The following PCDHGB1 variants were observed in gnomAD, a reference collection of about 807,000 sequenced individuals.
PCDHGB1 encodes protocadherin gamma-B1.
A neutral mutation model predicts 56.6 loss-of-function variants in PCDHGB1; 34 were observed. That is an observed-to-expected ratio of 0.60 (90% CI 0.46 to 0.80). The LOEUF (loss-of-function observed/expected upper bound fraction) is 0.80, where lower values mean the gene tolerates loss of function less well. Ranked by LOEUF, PCDHGB1 falls within the 30% of genes least tolerant of loss-of-function variation. The pLI, the probability that PCDHGB1 is intolerant of heterozygous loss-of-function variation, is 0.00. For missense variants in PCDHGB1, 1,278 were observed against 1,204.6 expected, an observed-to-expected ratio of 1.06 and a Z score of -0.90; for synonymous variants, 561 against 505.9, an observed-to-expected ratio of 1.11 and a Z score of -1.46.
At position 141,431,376 on chromosome 5, in the gene PCDHGB1, C is replaced by T. The variant is rs558222633; in HGVS notation, c.2410-63431C>T. The T allele has an allele frequency of 1.2e-6, 2 of 1,613,436 alleles. No homozygotes were observed. Among genetic ancestry groups the T allele is most frequent in the African/African-American group, 2.7e-5 (2 of 75,070 alleles). On this transcript the variant is annotated intron_variant, in intron 1 of 3. Coordinates refer to ENST00000523390, the MANE Select transcript of PCDHGB1 (RefSeq NM_018922.3). The surrounding 1 kb of genome is among the most constrained non-coding windows in gnomAD (Gnocchi z 4.8). Reference sequence around the variant, plus strand: ...CGCGCCCTGGACCGCGAAGAAAAGGCTGCTCACCACCTGGTCCTTACGGCC... The same window carrying T: ...CGCGCCCTGGACCGCGAAGAAAAGGTTGCTCACCACCTGGTCCTTACGGCC...
chr5:141,360,241 T>C lies in PCDHGB1; in HGVS notation c.2409+7572T>C, dbSNP rs371403228. The C allele has an allele frequency of 6.4e-5, 103 of 1,613,930 alleles. No homozygotes were observed. The African/African-American group carries it at 1.3e-3, about 20-fold the overall frequency. ...GGCTCTCCCAGTCCAGATCCGCTATTCAATTCCAGAGGAGCTGGCCAAAAA... is the reference window on the plus strand; with the variant it reads ...GGCTCTCCCAGTCCAGATCCGCTATCCAATTCCAGAGGAGCTGGCCAAAAA... On this transcript the variant is annotated intron_variant, in intron 1 of 3. Transcript: ENST00000523390.
At chr5:141,393,525 A>G in intron 1 of PCDHGB1, 1 of 1,613,922 alleles carries the variant, frequency 6.2e-7, no homozygotes, top group Non-Finnish European at 8.5e-7. Context: ...TACAAATGAC[A>G]ATGCCCCGGT....
rs2099695548 is a variant in PCDHGB1, at chr5:141,490,059, C to T, written c.2410-4748C>T. On this transcript the variant is annotated intron_variant, in intron 1 of 3. Coordinates refer to ENST00000523390, the MANE Select transcript of PCDHGB1 (RefSeq NM_018922.3). The surrounding 1 kb of genome is among the most constrained non-coding windows in gnomAD (Gnocchi z 5.4). ...ATGCCACTGATCCAGACGAGGGCAC[C>T]AACGGCCAACTAGACTATTCTTTTG... 1.2e-6 allele frequency: 2 copies of T among 1,614,242 alleles called. No individual in the cohort carries two copies. The highest frequency in any genetic ancestry group is 1.7e-6 in the Non-Finnish European group (2 of 1,180,030).
chr5:141,431,325 G>A lies in PCDHGB1; in HGVS notation c.2410-63482G>A. On this transcript the variant is annotated intron_variant, in intron 1 of 3. Transcript: ENST00000523390. The surrounding 1 kb of genome is among the most constrained non-coding windows in gnomAD (Gnocchi z 4.8). ...ATCGTGCAAAATGGAGCCGACGGTA[G>A]TAAGTACCCCGAATTGGTGCTGAAA... is the stretch of plus-strand genomic sequence containing the variant. 6.2e-7 allele frequency: 1 copy of A among 1,614,144 alleles called. No homozygotes were observed. The highest frequency in any genetic ancestry group is 8.5e-7 in the Non-Finnish European group (1 of 1,180,052).
chr5:141,418,579 A>G (rs1561774780), intron 1 of PCDHGB1: 1 of 1,614,000 alleles, frequency 6.2e-7, no homozygotes, highest in Admixed American at 1.7e-5. Flanking sequence ...ACAACCCCCC[A>G]GTGTTCAGCC....
intron 1 of PCDHGB1, chr5:141,404,653 C>A (rs754039673): frequency 2.4e-5 from 39 of 1,614,206 alleles, no homozygotes; most frequent in Non-Finnish European, 3.1e-5. Flanking sequence ...ACCCTGCCCT[C>A]CCCACTGATG....
intron 1 of PCDHGB1, among the ~76,000 whole-genome samples, chr5:141,464,833 G>A (rs1015373577): frequency 6.6e-6 from 1 of 151,990 alleles, no homozygotes; most frequent in African/African-American, 2.4e-5. Context: ...CGCACTCCTG[G>A]GCTCAAGCAA....
chr5:141,492,316 G>C (rs1283387204), intron 1 of PCDHGB1, among the ~76,000 whole-genome samples: 1 of 152,190 alleles, frequency 6.6e-6, no homozygotes. Context: ...CGCACTCCTC[G>C]CACGTGGGCT....
rs1221646532 is a variant in PCDHGB1, at chr5:141,366,822, TTCAGA to T, written c.2409+14154_2409+14158del. ...TTTCCTTTTTCATGTTTCTGTCATA[TTCAGA>T]ATCAGCTAGTTATGTAAATAGTGGA... On this transcript the variant is annotated intron_variant, in intron 1 of 3. Transcript: ENST00000523390. The T allele has an allele frequency of 2.6e-6, 4 of 1,538,856 alleles. No homozygotes were observed. The Admixed American group carries it at 8.0e-5, about 31-fold the overall frequency.
intron 1 of PCDHGB1, among the ~76,000 whole-genome samples, chr5:141,443,722 C>G (rs2098401001): frequency 6.6e-6 from 1 of 152,012 alleles, no homozygotes; most frequent in Admixed American, 6.6e-5. Context: ...TATAAAATTC[C>G]TCATACATTT....
At chr5:141,415,401 G>A (rs1408496357) in intron 1 of PCDHGB1, 9 of 1,614,088 alleles carry the variant, frequency 5.6e-6, no homozygotes, top group East Asian at 2.2e-5. Context: ...TGTCCGGCTC[G>A]CACTTTGTGG....
intron 1 of PCDHGB1, chr5:141,365,630 A>G (rs1486638134): frequency 6.2e-7 from 1 of 1,613,404 alleles, no homozygotes; most frequent in East Asian, 2.2e-5. Context: ...GCCCCTCTCT[A>G]CAGAAAGCCA....
At chr5:141,387,976 A>G (rs1406804687) in intron 1 of PCDHGB1, 2 of 1,490,180 alleles carry the variant, frequency 1.3e-6, no homozygotes, top group South Asian at 2.6e-5. Context: ...GCGCTCTGTG[A>G]GCAGATCCGC....
chr5:141,409,462 C>T (rs377705841), intron 1 of PCDHGB1: 3 of 1,613,988 alleles, frequency 1.9e-6, no homozygotes, highest in Non-Finnish European at 2.5e-6. Flanking sequence ...AATACAATGT[C>T]ACCATCGTAG....
At chr5:141,419,886 G>C (rs1195529127) in intron 1 of PCDHGB1, 1 of 1,614,076 alleles carries the variant, frequency 6.2e-7, no homozygotes, top group Non-Finnish European at 8.5e-7. Context: ...CCGGATTTCA[G>C]CGACCATCCC....
chr5:141,361,040 C>T (rs750073404), intron 1 of PCDHGB1: 3 of 1,613,220 alleles, frequency 1.9e-6, no homozygotes, highest in East Asian at 2.2e-5. Flanking sequence ...GGAGAAATCA[C>T]GACAAAGGAT....
In PCDHGB1 at chr5:141,413,416, C is replaced by G. The variant is rs893515703; in HGVS notation, c.2409+60747C>G. ...CAGAGGTAGGACGCAGCTTTTCTCT[C>G]TGAACCCGCGCAGCGGCAGCTTGAT... On this transcript the variant is annotated intron_variant, in intron 1 of 3. Transcript: ENST00000523390. 1 of 1,614,100 alleles carries G rather than the reference C, an allele frequency of 6.2e-7. No individual in the cohort carries two copies. Among genetic ancestry groups the G allele is most frequent in the Admixed American group, 1.7e-5 (1 of 60,034 alleles).
At chr5:141,421,823 G>A in intron 1 of PCDHGB1, 1 of 1,613,802 alleles carries the variant, frequency 6.2e-7, no homozygotes. Flanking sequence ...GTACTGGAGG[G>A]AAGCCTGGAC....
chr5:141,476,224 G>T lies in PCDHGB1; in HGVS notation c.2410-18583G>T. 6.2e-7 allele frequency: 1 copy of T among 1,614,062 alleles called. No individual in the cohort carries two copies. The highest frequency in any genetic ancestry group is 1.1e-5 in the South Asian group (1 of 91,072). ...AGGCTTCCACGGTCATTCACTATGA[G>T]ATCCCGGAGGAAAGAGAGAAGGGTT... On this transcript the variant is annotated intron_variant, in intron 1 of 3. Transcript: ENST00000523390. This position sits in a 1 kb window ranked among gnomAD's most constrained non-coding sequence, Gnocchi z 7.6.
Sources: allele counts gnomAD v4.1 joint callset (sites outside exome capture counted in the v4.1 genomes callset), GRCh38; gene constraint gnomAD v4.1.1; non-coding constraint Gnocchi (gnomAD v3.1); transcripts MANE v1.5; gene names NCBI Gene and HGNC (gene_info 2026-07-23, HGNC 2026-07-21).